TSPAN15: variants seen among roughly 807,000 people sequenced by gnomAD.
The protein encoded by TSPAN15 is tetraspanin-15.
Under a neutral mutation model 34.5 loss-of-function variants are expected in TSPAN15, and 20 were observed. The ratio of observed to expected loss-of-function variants is 0.58; its 90% CI spans 0.41 to 0.84. The LOEUF (loss-of-function observed/expected upper bound fraction) is 0.84. Ranked by LOEUF, TSPAN15 falls within the 40% of genes least tolerant of loss-of-function variation. The pLI is 0.00. For synonymous variants in TSPAN15, 155 were observed against 153.9 expected, an observed-to-expected ratio of 1.01 and a Z score of -0.05; for missense variants, 313 against 386.1, an observed-to-expected ratio of 0.81 and a Z score of 1.59.
Position 69,507,662 on chromosome 10 carries a change from T to G in TSPAN15, c.*684T>G, listed in dbSNP as rs1160397553. ...AACAATAAAAACATGTTTTTTTTTT[T>G]TTTTTTTTTTTGCCTTTCCTGTGTG... On this transcript the variant is annotated 3_prime_UTR_variant, in exon 8 of 8. Coordinates refer to ENST00000373290, the MANE Select transcript of TSPAN15 (RefSeq NM_012339.5). 6.5e-3 allele frequency: 7,194 copies of G among 1,101,046 alleles called. 3 individuals carry two copies. The highest frequency in any genetic ancestry group is 9.4e-3 in the Admixed American group (292 of 31,178). 68.2% of individuals were successfully genotyped at this position (1,101,046 alleles called of 1,614,324 possible). A position where few individuals can be genotyped will look rare whatever the true frequency, so the allele number is the denominator to read the frequency against.
At chr10:69,495,551 G>A (rs749006591) in intron 3 of TSPAN15, 43 bp from the exon 4 acceptor site, 1 of 1,457,194 alleles carries the variant, frequency 6.9e-7, no homozygotes, top group South Asian at 1.1e-5. Context: ...TGGACTCCGG[G>A]AGTGTGTGGT....
At chr10:69,526,700 G>A in the TSPAN15 span, among the ~76,000 whole-genome samples, 22 of 143,744 alleles carry the variant, frequency 1.5e-4, 3 homozygotes, top group Middle Eastern at 3.5e-3. Flanking sequence ...TGAGATGGGA[G>A]GATTGTTGGA....
the TSPAN15 span, among the ~76,000 whole-genome samples, chr10:69,519,021 A>G: frequency 1.3e-5 from 2 of 152,256 alleles, no homozygotes; most frequent in Non-Finnish European, 2.9e-5. Flanking sequence ...GGACTGTGGT[A>G]TGCTTCTGCG....
chr10:69,485,045 T>C, intron 2 of TSPAN15, 96 bp from the exon 3 acceptor site: 1 of 1,201,984 alleles, frequency 8.3e-7, no homozygotes, highest in East Asian at 2.3e-5. Flanking sequence ...GGGATGCTTC[T>C]CTTTGTGCTT....
At chr10:69,486,924 C>T (rs1841866888) in intron 3 of TSPAN15, among the ~76,000 whole-genome samples, 1 of 152,240 alleles carries the variant, frequency 6.6e-6, no homozygotes, top group African/African-American at 2.4e-5. Context: ...CTCCCTTTGC[C>T]TCTTTTCTGC....
the TSPAN15 span, among the ~76,000 whole-genome samples, chr10:69,515,951 A>G: frequency 2.0e-5 from 3 of 152,230 alleles, no homozygotes; most frequent in Admixed American, 2.0e-4. Flanking sequence ...GCAGACCACA[A>G]GGTGAGGGAG....
chr10:69,504,857 C>G (rs561832571), intron 6 of TSPAN15, among the ~76,000 whole-genome samples: 1 of 152,272 alleles, frequency 6.6e-6, no homozygotes, highest in African/African-American at 2.4e-5. Flanking sequence ...ATGGTAACCC[C>G]CTCTGGGGGT....
intron 4 of TSPAN15, among the ~76,000 whole-genome samples, chr10:69,497,484 T>G (rs760375965): frequency 1.3e-5 from 2 of 152,204 alleles, no homozygotes; most frequent in Non-Finnish European, 2.9e-5. Context: ...TTTCCATGTT[T>G]CAGATGAAAT....
chr10:69,459,293 C>A (rs1233974357), intron 1 of TSPAN15, among the ~76,000 whole-genome samples: 1 of 152,094 alleles, frequency 6.6e-6, no homozygotes, highest in African/African-American at 2.4e-5. Context: ...GAATGCCAGG[C>A]ACTGTGATAC....
chr10:69,539,455 AAGAAGAAGG>A, the TSPAN15 span, among the ~76,000 whole-genome samples: 32 of 25,426 alleles, frequency 1.3e-3, 1 homozygote, highest in African/African-American at 2.9e-3. Context: ...GAAGAAGAAG[AAGAAGAAGG>A]AGAAGGAGAA....
the TSPAN15 span, among the ~76,000 whole-genome samples, chr10:69,516,856 T>C: frequency 6.6e-6 from 1 of 152,210 alleles, no homozygotes; most frequent in Non-Finnish European, 1.5e-5. Flanking sequence ...GATGAGGTTG[T>C]GGTGCCTGGG....
Position 69,478,926 on chromosome 10 carries a change from G to A in TSPAN15, c.97-4765G>A, listed in dbSNP as rs534089770. Among the ~76,000 whole-genome samples the A allele has an allele frequency of 1.4e-3, 209 of 152,340 alleles. 1 individual carries two copies. Among genetic ancestry groups the A allele is most frequent in the South Asian group, 2.5e-3 (12 of 4,828 alleles). ...TACTGGTGACAAAATTGCAGGTGCC[G>A]TTAATACTACTTCAGTTTGTTGCCC... On this transcript the variant is annotated intron_variant, in intron 1 of 7. Coordinates refer to ENST00000373290, the MANE Select transcript of TSPAN15 (RefSeq NM_012339.5).
At chr10:69,460,398 AAG>A (rs1335166963) in intron 1 of TSPAN15, among the ~76,000 whole-genome samples, 1 of 152,164 alleles carries the variant, frequency 6.6e-6, no homozygotes, top group Non-Finnish European at 1.5e-5. Context: ...GGAGGTGAGG[AAG>A]AGACACCGTA....
Position 69,506,063 on chromosome 10 carries a change from G to A in TSPAN15, c.619-61G>A. On this transcript the variant is annotated intron_variant, in intron 6 of 7. Coordinates refer to ENST00000373290, the MANE Select transcript of TSPAN15 (RefSeq NM_012339.5). The surrounding 1 kb of genome is among the most constrained non-coding windows in gnomAD (Gnocchi z 4.7). ...GGACCTTGTGTACATGGCAGAGTCG[G>A]GGCTGTGGCTCCTGCCAGCCGAGGT... is the stretch of plus-strand genomic sequence containing the variant. 1.4e-6 allele frequency: 2 copies of A among 1,439,954 alleles called. No individual in the cohort carries two copies. The highest frequency in any genetic ancestry group is 1.9e-6 in the Non-Finnish European group (2 of 1,028,622). The allele number at this position is 1,439,954 out of a possible 1,614,324, so 89.2% of individuals were successfully genotyped here.
intron 3 of TSPAN15, among the ~76,000 whole-genome samples, chr10:69,487,553 C>A (rs1841880454): frequency 6.6e-6 from 1 of 152,210 alleles, no homozygotes; most frequent in African/African-American, 2.4e-5. Context: ...AGGGTTAGCA[C>A]TTTCCTGGCT....
rs148504218 is a variant in TSPAN15, at chr10:69,462,290, C to T, written c.96+10600C>T. ...TGCTGGGATTATGGGCGTGAGCCAC[C>T]GTGCCTAGCTTTATCTGTAATATTT... On this transcript the variant is annotated intron_variant, in intron 1 of 7. Coordinates refer to ENST00000373290, the MANE Select transcript of TSPAN15 (RefSeq NM_012339.5). Among the ~76,000 whole-genome samples the T allele has an allele frequency of 2.9e-3, 439 of 151,376 alleles. 5 individuals are homozygous for T. The highest frequency in any genetic ancestry group is 0.021 in the East Asian group (109 of 5,166).
chr10:69,490,996 C>T (rs1841956939), intron 3 of TSPAN15, among the ~76,000 whole-genome samples: 1 of 152,218 alleles, frequency 6.6e-6, no homozygotes, highest in African/African-American at 2.4e-5. Flanking sequence ...GCTGGTTTGG[C>T]CAGACTCCCC....
chr10:69,497,889 A>G (rs1842120419), intron 4 of TSPAN15, among the ~76,000 whole-genome samples: 1 of 152,162 alleles, frequency 6.6e-6, no homozygotes, highest in Non-Finnish European at 1.5e-5. Context: ...GTTGAGGTGC[A>G]GGGACTTTCA....
At chr10:69,544,029 C>T in the TSPAN15 span, among the ~76,000 whole-genome samples, 1 of 151,932 alleles carries the variant, frequency 6.6e-6, no homozygotes, top group Non-Finnish European at 1.5e-5. Context: ...GTCAGAGGGT[C>T]TGCCTGGAAA....
Sources: gnomAD v4.1 joint callset for allele counts (sites outside exome capture counted in the v4.1 genomes callset) on GRCh38, gnomAD v4.1.1 for gene constraint, Gnocchi (gnomAD v3.1) non-coding constraint, MANE v1.5 for transcripts, NCBI Gene and HGNC (gene_info 2026-07-23, HGNC 2026-07-21) for gene names.